Variants in ITGA11 observed in about 807,000 individuals in gnomAD.
The protein encoded by ITGA11 is integrin subunit alpha 11.
In ITGA11, 97 loss-of-function variants were observed where a neutral mutation model predicts 141.9. The ratio of observed to expected loss-of-function variants is 0.68; its 90% CI spans 0.58 to 0.81. ITGA11 has a LOEUF of 0.81. Among genes scored for constraint, ITGA11 ranks in the 30% least tolerant of loss-of-function variants. The pLI is 0.00. For missense variants in ITGA11, 1,387 were observed against 1,559.2 expected (o/e 0.89, Z 1.86); for synonymous variants, 658 against 624.6 (o/e 1.05, Z -0.80).
intron 2 of ITGA11, among the ~76,000 whole-genome samples, chr15:68,379,007 G>A (rs1895794864): frequency 6.6e-6 from 1 of 152,226 alleles, no homozygotes; most frequent in African/African-American, 2.4e-5. Context: ...CCCATCTGGA[G>A]GGAAAATGAG....
chr15:68,316,627 T>C (rs1232963987), intron 21 of ITGA11, among the ~76,000 whole-genome samples: 1 of 152,224 alleles, frequency 6.6e-6, no homozygotes, highest in East Asian at 1.9e-4. Flanking sequence ...TTTCTTTCTC[T>C]TTCCCCAGCT....
chr15:68,417,456 A>G (rs1896913532), intron 1 of ITGA11, among the ~76,000 whole-genome samples: 1 of 151,966 alleles, frequency 6.6e-6, no homozygotes, highest in South Asian at 2.1e-4. Flanking sequence ...TTCATTTTGT[A>G]TTTAGACTTG....
chr15:68,351,306 C>T lies in ITGA11; in HGVS notation c.846G>A (p.Lys282=), dbSNP rs370871900. The T allele has an allele frequency of 4.3e-6, 7 of 1,613,928 alleles. No individual in the cohort carries two copies. The East Asian group carries it at 1.3e-4, about 31-fold the overall frequency. Residue 282 remains lysine, a synonymous_variant, in exon 8 of 30, where the codon AAG becomes AAA. Transcript: ENST00000315757. Reference sequence around the variant, plus strand: ...TGTCTCTTTCGCTTTGCTGGATCACCTTCTCCAGGTCTGGGCTGTCGTGGG... The same window carrying T: ...TGTCTCTTTCGCTTTGCTGGATCACTTTCTCCAGGTCTGGGCTGTCGTGGG... ...GESHDSPDLE[K]VIQQSERDNV... is the part of the protein sequence containing the mutation.
At chr15:68,371,496 T>C (rs1212039952) in intron 2 of ITGA11, among the ~76,000 whole-genome samples, 2 of 152,090 alleles carry the variant, frequency 1.3e-5, no homozygotes, top group African/African-American at 4.8e-5. Context: ...GTGGATCACC[T>C]GAAGTCAGGA....
At chr15:68,411,813 T>C (rs956225672) in intron 1 of ITGA11, among the ~76,000 whole-genome samples, 1 of 152,198 alleles carries the variant, frequency 6.6e-6, no homozygotes, top group African/African-American at 2.4e-5. Flanking sequence ...ATTCCCAGCT[T>C]GGGCCTTAGG....
At chr15:68,398,969 G>C (rs990435577) in intron 2 of ITGA11, among the ~76,000 whole-genome samples, 1 of 151,830 alleles carries the variant, frequency 6.6e-6, no homozygotes, top group East Asian at 1.9e-4. Flanking sequence ...ATGTTATTAA[G>C]ATTTCATTTT....
At chr15:68,406,206 C>T (rs914685220) in intron 1 of ITGA11, among the ~76,000 whole-genome samples, 1 of 152,184 alleles carries the variant, frequency 6.6e-6, no homozygotes, top group African/African-American at 2.4e-5. Flanking sequence ...AGGGACCCTT[C>T]CAAGACCTGT....
At chr15:68,382,147 T>C (rs28479079) in intron 2 of ITGA11, among the ~76,000 whole-genome samples, 7,277 of 152,314 alleles carry the variant, frequency 0.048, 551 homozygotes, top group African/African-American at 0.16. Context: ...CTTATTCTTA[T>C]TTCAAGAAGC....
intron 3 of ITGA11, chr15:68,365,134 A>G: frequency 1.0e-6 from 1 of 985,236 alleles, no homozygotes; most frequent in Non-Finnish European, 1.2e-6. Flanking sequence ...CAAGCATGCC[A>G]TGGCATCCCA....
rs1231327656 is a variant in ITGA11 at position 68,307,101 on chromosome 15, A to G, written c.3381+247T>C. Among the ~76,000 whole-genome samples, 1 of 152,156 alleles carries G rather than the reference A, an allele frequency of 6.6e-6. No individual in the cohort carries two copies. Among genetic ancestry groups the G allele is most frequent in the African/African-American group, 2.4e-5 (1 of 41,432 alleles). On this transcript the variant is annotated intron_variant, in intron 28 of 29. Coordinates refer to ENST00000315757, the MANE Select transcript of ITGA11 (RefSeq NM_001004439.2). The surrounding 1 kb of genome is among the most constrained non-coding windows in gnomAD (Gnocchi z 6.1). ...AGAGGCTGATACCGAGGCATCTCCCATCCTTTGGTCTTCACAAATTCAGTT... is the reference window on the plus strand; with the variant it reads ...AGAGGCTGATACCGAGGCATCTCCCGTCCTTTGGTCTTCACAAATTCAGTT...
chr15:68,364,452 C>T (rs1051842565), intron 4 of ITGA11, among the ~76,000 whole-genome samples: 2 of 152,204 alleles, frequency 1.3e-5, no homozygotes, highest in African/African-American at 4.8e-5. Context: ...GATATGCACA[C>T]AAAAGGGCTC....
rs768602434 is a variant in ITGA11, at chr15:68,313,775, C to G, written c.2882+4G>C. 25 of 1,613,380 alleles carry G rather than the reference C, an allele frequency of 1.5e-5. No homozygotes were observed. The South Asian group carries it at 2.6e-4, about 17-fold the overall frequency. On this transcript the variant is annotated splice_donor_region_variant and intron_variant, in intron 23 of 29. Coordinates refer to ENST00000315757, the MANE Select transcript of ITGA11 (RefSeq NM_001004439.2). Reference sequence around the variant, plus strand: ...TCTCCTGGGGCCCCCGGAGCCCGGCCCACCTGGTGAAGAGGACGTCAGCCT... The same window carrying G: ...TCTCCTGGGGCCCCCGGAGCCCGGCGCACCTGGTGAAGAGGACGTCAGCCT...
At chr15:68,315,992 C>T (rs1893562353) in intron 21 of ITGA11, among the ~76,000 whole-genome samples, 1 of 152,228 alleles carries the variant, frequency 6.6e-6, no homozygotes, top group Non-Finnish European at 1.5e-5. Flanking sequence ...CCTCCCTCTT[C>T]CTCTTCTTTT....
At chr15:68,345,518 T>G (rs1233575534) in intron 10 of ITGA11, among the ~76,000 whole-genome samples, 1 of 152,198 alleles carries the variant, frequency 6.6e-6, no homozygotes, top group African/African-American at 2.4e-5. Flanking sequence ...CTGATTTCCT[T>G]GCTCATTAAG....
Position 68,402,981 on chromosome 15 carries a change from G to C in ITGA11, c.101C>G (p.Pro34Arg), listed in dbSNP as rs758286115. ...NMDTRKPRVI[P>R]GSRTAFFGYT... ...GCCAAAGAAGGCGGTCCTGGAGCCA[G>C]GGATGACCCGGGGCTTCCTGGTGTC... The change falls in exon 2 of 30, where the codon CCT becomes CGT. Residue 34 changes from proline (P) to arginine (R), a missense_variant. Pro to Arg is a moderately radical substitution (Grantham distance 103, BLOSUM62 -2). Coordinates refer to ENST00000315757, the MANE Select transcript of ITGA11 (RefSeq NM_001004439.2). 7 of 1,613,664 alleles carry C rather than the reference G, an allele frequency of 4.3e-6. No homozygotes were observed. The East Asian group carries it at 1.6e-4, about 36-fold the overall frequency.
rs1199597656 is a variant in ITGA11, at chr15:68,357,244, T to C, written c.656A>G (p.Tyr219Cys). The C allele has an allele frequency of 6.2e-7, 1 of 1,613,982 alleles. No individual in the cohort carries two copies. Among genetic ancestry groups the C allele is most frequent in the Non-Finnish European group, 8.5e-7 (1 of 1,179,880 alleles). The part of the protein sequence containing the change: ...DVVHEFHLND[Y>C]RSVKDVVEAA... Reference sequence around the variant, plus strand: ...TTCCACCACATCTTTTACAGACCTGTAGTCGTTGAGGTGAAACTCATGCAC... The same window carrying C: ...TTCCACCACATCTTTTACAGACCTGCAGTCGTTGAGGTGAAACTCATGCAC... Residue 219 changes from tyrosine (Y) to cysteine (C), a missense_variant, in exon 7 of 30, where the codon TAC becomes TGC. By Grantham distance (194) the Tyr-to-Cys change is radical. Transcript: ENST00000315757.
intron 1 of ITGA11, among the ~76,000 whole-genome samples, chr15:68,409,002 G>A (rs1055395384): frequency 1.1e-4 from 16 of 152,216 alleles, no homozygotes; most frequent in Admixed American, 9.2e-4. Flanking sequence ...CAAGACTAAA[G>A]GGAGTAGCAA....
intron 1 of ITGA11, among the ~76,000 whole-genome samples, chr15:68,413,329 C>T (rs574574604): frequency 5.9e-5 from 9 of 152,294 alleles, no homozygotes; most frequent in African/African-American, 2.2e-4. Context: ...CTATGTTCAC[C>T]ACCACTCCTT....
rs183426311 is a variant in ITGA11, at chr15:68,377,579, A to C, written c.165-8295T>G. Among the ~76,000 whole-genome samples, 18 of 152,274 alleles carry C rather than the reference A, an allele frequency of 1.2e-4. No individual in the cohort carries two copies. The East Asian group carries it at 3.5e-3, about 29-fold the overall frequency. The stretch of plus-strand genomic sequence containing the variant: ...GAGCCACTGCGCCTGGCCCGAAGTA[A>C]AACTTGAAAGCCTTCTCCTTCCCCT... On this transcript the variant is annotated intron_variant, in intron 2 of 29. Transcript: ENST00000315757.
Sources: gnomAD v4.1 joint callset for allele counts (sites outside exome capture counted in the v4.1 genomes callset) on GRCh38, gnomAD v4.1.1 for gene constraint, Gnocchi (gnomAD v3.1) non-coding constraint, MANE v1.5 for transcripts, NCBI Gene and HGNC (gene_info 2026-07-23, HGNC 2026-07-21) for gene names.